Variants in CDH18 observed in about 807,000 individuals in gnomAD.
CDH18 encodes cadherin-18.
CDH18 carries 31 observed loss-of-function variants against 67.9 expected under a neutral mutation model. The observed-to-expected ratio is 0.46, with a 90% CI of 0.34 to 0.62. The LOEUF (loss-of-function observed/expected upper bound fraction) is 0.62, where lower values mean the gene tolerates loss of function less well. Ranked by LOEUF, CDH18 falls within the 20% of genes least tolerant of loss-of-function variation. The probability of loss-of-function intolerance (pLI) is 0.01; values close to 1 mark genes in which losing one functional copy is unlikely to be tolerated. For missense variants in CDH18, 890 were observed against 975.5 expected, an observed-to-expected ratio of 0.91 and a Z score of 1.17; for synonymous variants, 362 against 347.2, an observed-to-expected ratio of 1.04 and a Z score of -0.48.
At chr5:20,543,899 G>A (rs920569556) in intron 1 of CDH18, among the ~76,000 whole-genome samples, 1 of 152,160 alleles carries the variant, frequency 6.6e-6, no homozygotes, top group African/African-American at 2.4e-5. Flanking sequence ...GAATTTTTCT[G>A]AGGAAACTAT....
intron 2 of CDH18, among the ~76,000 whole-genome samples, chr5:20,116,253 C>T (rs1747900788): frequency 6.6e-6 from 1 of 151,922 alleles, no homozygotes; most frequent in East Asian, 1.9e-4. Context: ...CATCTCCCAG[C>T]TTTTCTGCAT....
chr5:19,726,916 A>G (rs1766917228), intron 4 of CDH18, among the ~76,000 whole-genome samples: 1 of 152,188 alleles, frequency 6.6e-6, no homozygotes, highest in African/African-American at 2.4e-5. Flanking sequence ...AGAAGGCCAC[A>G]AAGAGCTTCC....
rs113220714 is a variant in CDH18, at chr5:20,018,427, G to A, written c.-517-26413C>T. Among the ~76,000 whole-genome samples the A allele has an allele frequency of 9.2e-3, 1,402 of 152,256 alleles. 25 individuals carry two copies. Among genetic ancestry groups the A allele is most frequent in the African/African-American group, 0.031 (1,280 of 41,546 alleles). ...ACAAGATTCTTTTGTCTAGTGTGGA[G>A]TAAACATGTGAAGCATTACCACTTA... On this transcript the variant is annotated intron_variant, in intron 2 of 14. Coordinates refer to the CDH18 transcript ENST00000507958.
rs569148104 is a variant in CDH18, at chr5:20,448,051, T to A, written c.-580+127411A>T. 3.3e-5 allele frequency among the ~76,000 whole-genome samples: 5 copies of A among 151,968 alleles called. No homozygotes were observed. In the South Asian group the frequency reaches 1.0e-3, roughly 32 times the overall value. ...ATATCTCCTAATGCTATCCGTCCCC[T>A]CTCCCCCCACCCCACAACAGGCCCT... On this transcript the variant is annotated intron_variant, in intron 1 of 14. Coordinates refer to the CDH18 transcript ENST00000507958.
At chr5:20,331,256 G>C (rs901106203) in intron 1 of CDH18, 3 of 152,018 alleles carry the variant, frequency 2.0e-5, no homozygotes, top group Non-Finnish European at 2.9e-5. Context: ...TGACCTTTTT[G>C]CATAACAATA....
intron 1 of CDH18, among the ~76,000 whole-genome samples, chr5:20,433,273 A>G (rs34363511): frequency 0.22 from 33,233 of 151,252 alleles, 3,791 homozygotes; most frequent in East Asian, 0.29. Context: ...GTGTGTGTGT[A>G]TATTTATATA....
intron 10 of CDH18, among the ~76,000 whole-genome samples, chr5:19,503,382 G>A (rs1409613335): frequency 6.6e-6 from 1 of 151,806 alleles, no homozygotes; most frequent in Admixed American, 6.6e-5. Context: ...AATCAGCCAT[G>A]GTACTGTGGG....
At chr5:19,856,477 C>T (rs1353878733) in intron 2 of CDH18, among the ~76,000 whole-genome samples, 2 of 152,048 alleles carry the variant, frequency 1.3e-5, no homozygotes, top group East Asian at 3.9e-4. Context: ...ATTAGATATC[C>T]TTGACTTACT....
intron 5 of CDH18, among the ~76,000 whole-genome samples, chr5:19,698,067 G>A (rs1762765721): frequency 6.6e-6 from 1 of 152,052 alleles, no homozygotes; most frequent in Non-Finnish European, 1.5e-5. Flanking sequence ...ATCTATAACT[G>A]TTTATATGCA....
chr5:20,356,735 CT>C, intron 1 of CDH18, among the ~76,000 whole-genome samples: 1 of 141,162 alleles, frequency 7.1e-6, no homozygotes, highest in African/African-American at 2.8e-5. Context: ...CTCTCTCTCT[CT>C]CTCTCTCTCT....
rs150502192 is a variant in CDH18, at chr5:19,780,667, C to T, written c.229-33431G>A. Among the ~76,000 whole-genome samples, 745 of 152,212 alleles carry T rather than the reference C, an allele frequency of 4.9e-3. 2 individuals carry two copies. Among genetic ancestry groups the T allele is most frequent in the Non-Finnish European group, 7.0e-3 (478 of 67,990 alleles). ...TTTCATTTCTGCTTCAAAACCTTCCCTGAGAGCAAAATGATTTTCCAATAC... is the reference window on the plus strand; with the variant it reads ...TTTCATTTCTGCTTCAAAACCTTCCTTGAGAGCAAAATGATTTTCCAATAC... On this transcript the variant is annotated intron_variant, in intron 3 of 12. Transcript: ENST00000382275.
At chr5:19,558,983 G>T (rs1738954572) in intron 8 of CDH18, among the ~76,000 whole-genome samples, 1 of 152,002 alleles carries the variant, frequency 6.6e-6, no homozygotes, top group African/African-American at 2.4e-5. Context: ...TATGAACAAA[G>T]TTGTTCACAG....
chr5:19,613,805 T>C (rs996366917), intron 5 of CDH18, among the ~76,000 whole-genome samples: 5 of 152,152 alleles, frequency 3.3e-5, no homozygotes, highest in Non-Finnish European at 7.4e-5. Flanking sequence ...TGAGATAGAT[T>C]ATAAACATGT....
intron 2 of CDH18, among the ~76,000 whole-genome samples, chr5:20,186,617 C>T (rs139773510): frequency 2.0e-5 from 3 of 151,930 alleles, no homozygotes; most frequent in Non-Finnish European, 4.4e-5. Flanking sequence ...ATATTACCCG[C>T]TAGAATGACT....
chr5:20,078,133 A>G (rs901818762), intron 2 of CDH18, among the ~76,000 whole-genome samples: 2 of 152,214 alleles, frequency 1.3e-5, no homozygotes, highest in African/African-American at 2.4e-5. Context: ...TGCATCTTTA[A>G]AACAGTAATG....
intron 3 of CDH18, among the ~76,000 whole-genome samples, chr5:19,792,618 A>T (rs190145087): frequency 1.3e-5 from 2 of 152,236 alleles, no homozygotes; most frequent in East Asian, 3.9e-4. Context: ...TTCCCTGGAG[A>T]ATCCTAACTC....
chr5:20,297,608 T>C (rs1438157262), intron 1 of CDH18, among the ~76,000 whole-genome samples: 2 of 152,326 alleles, frequency 1.3e-5, no homozygotes, highest in South Asian at 4.1e-4. Flanking sequence ...TGAGTCCCCA[T>C]AAACTGGATG....
At chr5:19,587,096 T>A (rs1273061746) in intron 7 of CDH18, among the ~76,000 whole-genome samples, 1 of 152,140 alleles carries the variant, frequency 6.6e-6, no homozygotes, top group African/African-American at 2.4e-5. Context: ...TACTTATAGA[T>A]GCTGGATATT....
At chr5:20,192,869 T>G (rs1028957347) in intron 2 of CDH18, among the ~76,000 whole-genome samples, 4 of 152,170 alleles carry the variant, frequency 2.6e-5, no homozygotes, top group African/African-American at 9.7e-5. Flanking sequence ...TTAGAATAGT[T>G]TTTTCTAATT....
Sources: allele counts gnomAD v4.1 joint callset (sites outside exome capture counted in the v4.1 genomes callset), GRCh38; gene constraint gnomAD v4.1.1; transcripts MANE v1.5; gene names NCBI Gene and HGNC (gene_info 2026-07-23, HGNC 2026-07-21).